The following CNTN5 variants were observed in gnomAD, a reference collection of about 807,000 sequenced individuals.
The protein encoded by CNTN5 is contactin 5.
A neutral mutation model predicts 129.1 loss-of-function variants in CNTN5; 77 were observed. The observed-to-expected ratio is 0.60, with a 90% confidence interval of 0.50 to 0.72. CNTN5 has a LOEUF of 0.72. Among genes scored for constraint, CNTN5 ranks in the 30% least tolerant of loss-of-function variants. The pLI is 0.00. For missense variants in CNTN5, 1,478 were observed against 1,328.8 expected, an observed-to-expected ratio of 1.11 and a Z score of -1.75; for synonymous variants, 509 against 465.6, an observed-to-expected ratio of 1.09 and a Z score of -1.20.
chr11:99,247,689 C>G (rs954078919), intron 1 of CNTN5, among the ~76,000 whole-genome samples: 3 of 151,954 alleles, frequency 2.0e-5, no homozygotes, highest in African/African-American at 7.3e-5. Context: ...TCAATTCCCA[C>G]CTATCAGTGA....
At chr11:100,231,645 A>C (rs1367414244) in intron 16 of CNTN5, among the ~76,000 whole-genome samples, 1 of 152,192 alleles carries the variant, frequency 6.6e-6, no homozygotes, top group African/African-American at 2.4e-5. Context: ...ATAGAGAATG[A>C]TCATGCAATC....
chr11:99,620,251 G>A (rs535087446), intron 3 of CNTN5, among the ~76,000 whole-genome samples: 3 of 151,872 alleles, frequency 2.0e-5, no homozygotes, highest in East Asian at 3.9e-4. Context: ...TCCCAGTTGT[G>A]TTCATTGTTA....
intron 1 of CNTN5, among the ~76,000 whole-genome samples, chr11:99,082,233 T>C (rs1865832434): frequency 6.7e-6 from 1 of 148,594 alleles, no homozygotes; most frequent in African/African-American, 2.5e-5. Flanking sequence ...GTCGTCAGGC[T>C]GCAGTGCAGT....
At chr11:99,530,022 A>G (rs1361131496) in intron 2 of CNTN5, among the ~76,000 whole-genome samples, 1 of 152,142 alleles carries the variant, frequency 6.6e-6, no homozygotes, top group Non-Finnish European at 1.5e-5. Flanking sequence ...GGAAAGCATT[A>G]TTTTATTTTT....
chr11:99,306,801 C>G (rs1041760831), intron 1 of CNTN5, among the ~76,000 whole-genome samples: 7 of 150,472 alleles, frequency 4.7e-5, no homozygotes, highest in Non-Finnish European at 8.9e-5. Flanking sequence ...TGATAATATA[C>G]ACATAACATA....
At chr11:99,622,163 T>A (rs866990318) in intron 3 of CNTN5, among the ~76,000 whole-genome samples, 1 of 152,208 alleles carries the variant, frequency 6.6e-6, no homozygotes, top group Non-Finnish European at 1.5e-5. Context: ...AACTTTTTCA[T>A]TCACATGTAG....
At chr11:99,806,261 C>G (rs573392505) in intron 3 of CNTN5, among the ~76,000 whole-genome samples, 1 of 152,052 alleles carries the variant, frequency 6.6e-6, no homozygotes, top group South Asian at 2.1e-4. Context: ...TATCTCATCT[C>G]TTAGATATTC....
intron 2 of CNTN5, among the ~76,000 whole-genome samples, chr11:99,327,360 A>G (rs537596574): frequency 6.6e-6 from 1 of 152,306 alleles, no homozygotes; most frequent in South Asian, 2.1e-4. Context: ...ATCAATTACC[A>G]ACCAAATTGT....
intron 9 of CNTN5, among the ~76,000 whole-genome samples, chr11:100,060,080 C>T (rs941450709): frequency 6.6e-6 from 1 of 151,884 alleles, no homozygotes; most frequent in Admixed American, 6.6e-5. Flanking sequence ...ATGGTGGCAG[C>T]ACACCTGTAA....
At chr11:100,282,531 C>T (rs925812874) in intron 18 of CNTN5, among the ~76,000 whole-genome samples, 1 of 152,204 alleles carries the variant, frequency 6.6e-6, no homozygotes, top group Non-Finnish European at 1.5e-5. Flanking sequence ...CTGGGTCAGA[C>T]CTGAAGCCAG....
At chr11:99,827,159 C>T (rs1358317747) in intron 4 of CNTN5, among the ~76,000 whole-genome samples, 1 of 152,166 alleles carries the variant, frequency 6.6e-6, no homozygotes, top group East Asian at 1.9e-4. Flanking sequence ...CTGATCTTGG[C>T]TCACTGCAAT....
At chr11:100,213,131 A>G (rs1001907156) in intron 15 of CNTN5, among the ~76,000 whole-genome samples, 3 of 152,178 alleles carry the variant, frequency 2.0e-5, no homozygotes, top group Non-Finnish European at 4.4e-5. Context: ...TTCTCTCTGT[A>G]TAATAGATCA....
chr11:99,863,357 G>A (rs55771834), intron 6 of CNTN5, among the ~76,000 whole-genome samples: 5,871 of 152,166 alleles, frequency 0.039, 194 homozygotes, highest in East Asian at 0.16. Context: ...CAGGTAGGAG[G>A]ATTTGCCAGT....
At chr11:99,892,752 A>G (rs1452913781) in intron 6 of CNTN5, among the ~76,000 whole-genome samples, 1 of 152,138 alleles carries the variant, frequency 6.6e-6, no homozygotes, top group African/African-American at 2.4e-5. Flanking sequence ...GTTTAAAGTC[A>G]GGTAGCCTTG....
chr11:99,914,435 A>G (rs1432172930), intron 6 of CNTN5, among the ~76,000 whole-genome samples: 2 of 152,128 alleles, frequency 1.3e-5, no homozygotes, highest in African/African-American at 4.8e-5. Context: ...TTTGTTTGTT[A>G]CAGACAATCA....
chr11:100,135,470 C>T (rs955684387), intron 13 of CNTN5, among the ~76,000 whole-genome samples: 6 of 152,026 alleles, frequency 3.9e-5, no homozygotes, highest in South Asian at 2.1e-4. Context: ...CCACTGCGCC[C>T]GGCCAGAAAA....
At chr11:99,280,125 A>G (rs890559895) in intron 1 of CNTN5, among the ~76,000 whole-genome samples, 2 of 151,894 alleles carry the variant, frequency 1.3e-5, no homozygotes, top group Non-Finnish European at 2.9e-5. Context: ...AAATGTATTT[A>G]TATACCTACT....
intron 8 of CNTN5, among the ~76,000 whole-genome samples, chr11:99,999,314 AAAAC>A (rs1565773540): frequency 6.6e-6 from 1 of 152,202 alleles, no homozygotes; most frequent in African/African-American, 2.4e-5. Flanking sequence ...TTACAAGAAA[AAAAC>A]AAAGAACCCC....
chr11:99,049,080 A>C (rs575092500), intron 1 of CNTN5, among the ~76,000 whole-genome samples: 3 of 152,172 alleles, frequency 2.0e-5, no homozygotes, highest in South Asian at 2.1e-4. Context: ...TGTTCTAAGT[A>C]GTAAAACATA....
Sources: gnomAD v4.1 joint callset for allele counts (sites outside exome capture counted in the v4.1 genomes callset) on GRCh38, gnomAD v4.1.1 for gene constraint, MANE v1.5 for transcripts, NCBI Gene and HGNC (gene_info 2026-07-23, HGNC 2026-07-21) for gene names.